Variants in LBHD2 observed in about 807,000 individuals in gnomAD.
LBHD2 encodes LBH domain-containing protein 2.
At chr14:103,084,715 G>GTCTCTCTC (rs369355777) in intron 1 of LBHD2, among the ~76,000 whole-genome samples, 1 of 149,882 alleles carries the variant, frequency 6.7e-6, no homozygotes, top group African/African-American at 2.4e-5. Context: ...GTCTGTTTCT[G>GTCTCTCTC]TCTCTCTCTC....
At chr14:103,085,845 A>G in intron 1 of LBHD2, 131 bp from the exon 2 acceptor site, 1 of 394,804 alleles carries the variant, frequency 2.5e-6, no homozygotes, top group South Asian at 1.4e-4. Context: ...GCAGTGCAAT[A>G]TAGGTCCAGC....
Position 103,088,193 on chromosome 14 carries a change from C to A in LBHD2, c.178C>A (p.Pro60Thr). ...TGTGGAAAGTGGGGAGCTGCGCTGG[C>A]CCCTGGAGAGTGCCCAGAGGGGCCC... Reference protein sequence around the residue: ...DPVESGELRWPLESAQRGPSQ... With the variant: ...DPVESGELRWTLESAQRGPSQ... The change falls in exon 3 of 4, where the codon CCC (proline) becomes ACC (threonine). Residue 60 changes from proline (P) to threonine (T), a missense_variant. Physicochemically the swap from Pro to Thr is conservative, Grantham distance 38 (BLOSUM62 -1). Coordinates refer to ENST00000634353, the MANE Select transcript of LBHD2 (RefSeq NM_001330236.2). 2.5e-6 allele frequency: 1 copy of A among 398,686 alleles called. No individual in the cohort carries two copies. The highest frequency in any genetic ancestry group is 4.4e-6 in the Non-Finnish European group (1 of 226,126). 24.7% of individuals were successfully genotyped at this position (398,686 alleles called of 1,614,324 possible).
chr14:103,085,496 G>C (rs1356719656), intron 1 of LBHD2, among the ~76,000 whole-genome samples: 1 of 152,236 alleles, frequency 6.6e-6, no homozygotes, highest in African/African-American at 2.4e-5. Flanking sequence ...TGGGTGCTGA[G>C]GGCCTGGCCC....
chr14:103,086,170 C>T, intron 2 of LBHD2, 89 bp downstream of exon 2: 1 of 398,252 alleles, frequency 2.5e-6, no homozygotes, highest in Non-Finnish European at 4.4e-6. Flanking sequence ...TTGCTGCTGG[C>T]CTCAGTTTAC....
intron 3 of LBHD2, among the ~76,000 whole-genome samples, chr14:103,089,069 G>A (rs1484780806): frequency 1.3e-5 from 2 of 152,216 alleles, no homozygotes; most frequent in South Asian, 2.1e-4. Flanking sequence ...AGGAACAGGA[G>A]AGGCAGCAGG....
chr14:103,087,013 C>T (rs976950631), intron 2 of LBHD2, among the ~76,000 whole-genome samples: 2 of 152,208 alleles, frequency 1.3e-5, no homozygotes, highest in African/African-American at 4.8e-5. Context: ...GAGAATGGCA[C>T]GTGGGGAGGG....
At chr14:103,085,093 C>T (rs1018980726) in intron 1 of LBHD2, among the ~76,000 whole-genome samples, 1 of 152,194 alleles carries the variant, frequency 6.6e-6, no homozygotes, top group African/African-American at 2.4e-5. Context: ...AAAGAAACCT[C>T]ATTTCTCAGA....
In LBHD2 at chr14:103,088,203, G is replaced by C. The variant is rs1405865550; in HGVS notation, c.188G>C (p.Ser63Thr). The change falls in exon 3 of 4, where the codon AGT becomes ACT. Residue 63 changes from serine to threonine, a missense_variant. Coordinates refer to ENST00000634353, the MANE Select transcript of LBHD2 (RefSeq NM_001330236.2). ...GGGGAGCTGCGCTGGCCCCTGGAGA[G>C]TGCCCAGAGGGGCCCCTCTCAGAGC... is the stretch of plus-strand genomic sequence containing the variant. Reference protein sequence around the residue: ...ESGELRWPLESAQRGPSQSRA... With the variant: ...ESGELRWPLETAQRGPSQSRA... 8 of 398,612 alleles carry C rather than the reference G, an allele frequency of 2.0e-5. No homozygotes were observed. Among genetic ancestry groups the C allele is most frequent in the African/African-American group, 1.6e-4 (8 of 48,642 alleles). 24.7% of individuals were successfully genotyped at this position (398,612 alleles called of 1,614,324 possible). A position where few individuals can be genotyped will look rare whatever the true frequency, so the allele number is the denominator to read the frequency against.
At chr14:103,089,411 G>A (rs769150986) in intron 3 of LBHD2, among the ~76,000 whole-genome samples, 3 of 152,040 alleles carry the variant, frequency 2.0e-5, no homozygotes, top group South Asian at 2.1e-4. Context: ...ACCACCACTC[G>A]GGTAACCCCT....
In LBHD2 at chr14:103,088,035, T is replaced by C. The variant is rs960088549; in HGVS notation, c.70-50T>C. Reference sequence around the variant, plus strand: ...TGTGCAGGACAGGGGTAGGGGGGAATAGGAGTGCCAGGCCTGGCATGGCCA... The same window carrying C: ...TGTGCAGGACAGGGGTAGGGGGGAACAGGAGTGCCAGGCCTGGCATGGCCA... On this transcript the variant is annotated intron_variant, in intron 2 of 3. Transcript: ENST00000634353. The C allele has an allele frequency of 5.0e-6, 2 of 398,440 alleles. 1 individual carries two copies. The highest frequency in any genetic ancestry group is 2.6e-4 in the South Asian group (2 of 7,804). 24.7% of individuals were successfully genotyped at this position (398,440 alleles called of 1,614,324 possible).
chr14:103,087,078 C>T (rs1295777002), intron 2 of LBHD2, among the ~76,000 whole-genome samples: 2 of 152,238 alleles, frequency 1.3e-5, no homozygotes. Flanking sequence ...TGAGGGTGGC[C>T]CCTGGGAGGA....
Position 103,089,792 on chromosome 14 carries a change from G to C in LBHD2, c.322G>C (p.Gly108Arg), listed in dbSNP as rs1889688329. ...CGAGGACCCAGCAGCCCCGGCCCGG[G>C]GATAGGACAAGGACGTGGCTGGGCT... ...CSEDPAAPARG is the reference protein window; with the variant it reads ...CSEDPAAPARR Residue 108 changes from glycine (G) to arginine (R), a missense_variant, in exon 4 of 4, where the codon GGA becomes CGA. Gly to Arg is a moderately radical substitution (Grantham distance 125, BLOSUM62 -2). Coordinates refer to ENST00000634353, the MANE Select transcript of LBHD2 (RefSeq NM_001330236.2). 1 of 398,544 alleles carries C rather than the reference G, an allele frequency of 2.5e-6. No homozygotes were observed. Among genetic ancestry groups the C allele is most frequent in the African/African-American group, 2.1e-5 (1 of 48,642 alleles). The allele number at this position is 398,544 out of a possible 1,614,324, so 24.7% of individuals were successfully genotyped here.
chr14:103,084,507 C>T (rs1259194720), intron 1 of LBHD2, among the ~76,000 whole-genome samples, 160 bp downstream of exon 1: 1 of 152,232 alleles, frequency 6.6e-6, no homozygotes, highest in African/African-American at 2.4e-5. Flanking sequence ...CCAGCAAGAC[C>T]TGGGATCCCG....
chr14:103,088,594 G>A (rs1001117530), intron 3 of LBHD2, among the ~76,000 whole-genome samples: 6 of 152,254 alleles, frequency 3.9e-5, no homozygotes, highest in Non-Finnish European at 7.3e-5. Flanking sequence ...GAGCAAGTGT[G>A]CCTTGCTCAC....
In LBHD2 at chr14:103,088,074, C is replaced by A. The variant is rs1889658629; in HGVS notation, c.70-11C>A. On this transcript the variant is annotated splice_polypyrimidine_tract_variant and intron_variant, in intron 2 of 3. Coordinates refer to ENST00000634353, the MANE Select transcript of LBHD2 (RefSeq NM_001330236.2). ...CTGGCATGGCCATGATCCTGCCCAT[C>A]CTCCTTGCAGGCTGTGGCAGGTGCC... 7.5e-6 allele frequency: 3 copies of A among 398,778 alleles called. No homozygotes were observed. Among genetic ancestry groups the A allele is most frequent in the African/African-American group, 4.1e-5 (2 of 48,638 alleles). The allele number at this position is 398,778 out of a possible 1,614,324, so 24.7% of individuals were successfully genotyped here.
At chr14:103,084,777 T>C (rs1054101747) in intron 1 of LBHD2, among the ~76,000 whole-genome samples, 17 of 150,816 alleles carry the variant, frequency 1.1e-4, no homozygotes, top group Middle Eastern at 3.4e-3. Context: ...CTGGTCTCTG[T>C]GGCAGTATTT....
At chr14:103,086,570 T>C (rs116077854) in intron 2 of LBHD2, among the ~76,000 whole-genome samples, 113 of 152,302 alleles carry the variant, frequency 7.4e-4, no homozygotes, top group African/African-American at 2.6e-3. Context: ...ATTCCTGGCT[T>C]ACTTAGCACT....
intron 2 of LBHD2, 41 bp downstream of exon 2, chr14:103,086,122 C>A: frequency 5.0e-6 from 2 of 398,606 alleles, no homozygotes; most frequent in Middle Eastern, 1.3e-3. Flanking sequence ...AGGGAGCAAG[C>A]CTCAAACTCT....
Position 103,089,709 on chromosome 14 carries a change from G to T in LBHD2, c.239G>T (p.Ser80Ile). ...TATGTTTCTGCAGCCCCCTCGCCGA[G>T]TCTGCCCGGAGAACCAGGGAAAGCT... Reference protein sequence around the residue: ...QSRAAAAPSPSLPGEPGKAAD... With the variant: ...QSRAAAAPSPILPGEPGKAAD... Residue 80 changes from serine to isoleucine, a missense_variant, in exon 4 of 4, where the codon AGT (serine) becomes ATT (isoleucine). Physicochemically the swap from Ser to Ile is moderately radical, Grantham distance 142. Transcript: ENST00000634353. The T allele has an allele frequency of 2.5e-6, 1 of 398,676 alleles. No homozygotes were observed. Among genetic ancestry groups the T allele is most frequent in the Non-Finnish European group, 4.4e-6 (1 of 226,090 alleles). The allele number at this position is 398,676 out of a possible 1,614,324, so 24.7% of individuals were successfully genotyped here.
Sources: gnomAD v4.1 joint callset for allele counts (sites outside exome capture counted in the v4.1 genomes callset) on GRCh38, gnomAD v4.1.1 for gene constraint, MANE v1.5 for transcripts, NCBI Gene and HGNC (gene_info 2026-07-23, HGNC 2026-07-21) for gene names.